The following NDEL1 variants were observed in gnomAD, a reference collection of about 807,000 sequenced individuals.
The protein encoded by NDEL1 is nuclear distribution protein nudE-like 1.
Under a neutral mutation model 45.7 loss-of-function variants are expected in NDEL1, and 9 were observed. That is an observed-to-expected ratio of 0.20 (90% confidence interval 0.12 to 0.34). The LOEUF is 0.34. Ranked by LOEUF, NDEL1 falls within the 10% of genes least tolerant of loss-of-function variation. NDEL1 has a pLI of 1.00. For synonymous variants in NDEL1, 133 were observed against 158.6 expected, an observed-to-expected ratio of 0.84 and a Z score of 1.21; for missense variants, 306 against 406.2, an observed-to-expected ratio of 0.75 and a Z score of 2.12.
intron 7 of NDEL1, among the ~76,000 whole-genome samples, chr17:8,456,883 A>G (rs1042891879): frequency 6.6e-6 from 1 of 152,156 alleles, no homozygotes; most frequent in African/African-American, 2.4e-5. Context: ...TGAGCCCTCT[A>G]CTAGCTGTGT....
At chr17:8,432,353 A>ATATATATTAG (rs1567722399), upstream of NDEL1, among the ~76,000 whole-genome samples, 1 of 5,874 alleles carries the variant, frequency 1.7e-4, no homozygotes, top group African/African-American at 2.2e-4. Flanking sequence ...TATAAATATA[A>ATATATATTAG]ATATAAATAT....
At chr17:8,415,845 T>A (rs1908534932) in intron 1 of NDEL1, among the ~76,000 whole-genome samples, 1 of 152,140 alleles carries the variant, frequency 6.6e-6, no homozygotes, top group Non-Finnish European at 1.5e-5. Flanking sequence ...TCTCCCAGGT[T>A]CAAGCGATTC....
intron 1 of NDEL1, 91 bp from the exon 2 acceptor site, chr17:8,444,169 A>G (rs1202408877): frequency 1.3e-6 from 1 of 779,944 alleles, no homozygotes; most frequent in Non-Finnish European, 2.2e-6. Flanking sequence ...TCCCTCCAAA[A>G]TGCTGCAGTT....
At chr17:8,450,283 C>T (rs1205655695) in intron 5 of NDEL1, among the ~76,000 whole-genome samples, 5 of 116,042 alleles carry the variant, frequency 4.3e-5, no homozygotes, top group African/African-American at 1.2e-4. Flanking sequence ...AGTGAGACTC[C>T]GTCTCAAAAA....
Position 8,419,813 on chromosome 17 carries a change from C to T in NDEL1, c.-13+6544C>T, listed in dbSNP as rs143341579. ...TTGTTGCTGGGTCAGAGGGAGTGATCGGGAAGGGTCATTCTGGGACCCTCA... is the reference window on the plus strand; with the variant it reads ...TTGTTGCTGGGTCAGAGGGAGTGATTGGGAAGGGTCATTCTGGGACCCTCA... On this transcript the variant is annotated intron_variant, in intron 1 of 4. Coordinates refer to the NDEL1 transcript ENST00000582812. Among the ~76,000 whole-genome samples the T allele has an allele frequency of 4.4e-3, 675 of 152,194 alleles. 2 individuals carry two copies. Among genetic ancestry groups the T allele is most frequent in the African/African-American group, 0.015 (635 of 41,530 alleles).
chr17:8,459,292 T>C (rs1911047384), intron 7 of NDEL1, among the ~76,000 whole-genome samples: 2 of 152,136 alleles, frequency 1.3e-5, no homozygotes, highest in African/African-American at 4.8e-5. Flanking sequence ...TGTGTGGAAA[T>C]ACATGAGAAA....
intron 1 of NDEL1, among the ~76,000 whole-genome samples, chr17:8,414,560 G>A (rs532264374): frequency 1.2e-3 from 187 of 152,236 alleles, no homozygotes; most frequent in African/African-American, 4.0e-3. Context: ...CCAGCTACCC[G>A]GGAGGCTGAG....
At chr17:8,438,643 G>A (rs1909514439) in intron 1 of NDEL1, among the ~76,000 whole-genome samples, 1 of 151,912 alleles carries the variant, frequency 6.6e-6, no homozygotes, top group South Asian at 2.1e-4. Context: ...AGTCTCACGA[G>A]TAGCTGGGAC....
In NDEL1 at chr17:8,428,815, G is replaced by A. The variant is rs945236503; in HGVS notation, c.-12-15445G>A. Among the ~76,000 whole-genome samples the A allele has an allele frequency of 2.6e-4, 40 of 151,662 alleles. 1 individual carries two copies. The highest frequency in any genetic ancestry group is 3.4e-3 in the Middle Eastern group (1 of 294). On this transcript the variant is annotated intron_variant, in intron 1 of 4. Transcript: ENST00000582812. ...CAGCCTCCCGAGTAGCTGGGACTAC[G>A]GGCTCCTGCCACCACGCCCGGCTAA... is the stretch of plus-strand genomic sequence containing the variant.
chr17:8,469,847 G>A (rs1911791925), downstream of NDEL1, among the ~76,000 whole-genome samples: 1 of 146,536 alleles, frequency 6.8e-6, no homozygotes, highest in African/African-American at 2.5e-5. Context: ...GGCGCCCGCC[G>A]CCATGCCTGG....
In NDEL1 at chr17:8,427,221, C is replaced by G. The variant is rs1013759818; in HGVS notation, c.-13+13952C>G. On this transcript the variant is annotated intron_variant, in intron 1 of 4. Coordinates refer to the NDEL1 transcript ENST00000582812. ...GGGAGTCTGAGCTGCTTTGAGTGGT[C>G]GGTGAGCTCTGTTTGCTCCAGAAGC... Among the ~76,000 whole-genome samples the G allele has an allele frequency of 2.6e-5, 4 of 152,142 alleles. No individual in the cohort carries two copies. The South Asian group carries it at 8.3e-4, about 32-fold the overall frequency.
chr17:8,435,630 T>A (rs1909234248), upstream of NDEL1, among the ~76,000 whole-genome samples: 1 of 152,242 alleles, frequency 6.6e-6, no homozygotes, highest in Admixed American at 6.5e-5. Context: ...CCCATCCGTC[T>A]TGGCACCACT....
chr17:8,463,250 C>T, intron 8 of NDEL1: 1 of 1,325,782 alleles, frequency 7.5e-7, no homozygotes, highest in Non-Finnish European at 1.1e-6. Flanking sequence ...TGGGCATGGA[C>T]TAATTTTAGG....
chr17:8,461,911 C>T (rs746930803), intron 8 of NDEL1, among the ~76,000 whole-genome samples: 2 of 151,970 alleles, frequency 1.3e-5, no homozygotes, highest in African/African-American at 2.4e-5. Flanking sequence ...GGTGCCTGTG[C>T]GTGTGGAAGC....
downstream of NDEL1, among the ~76,000 whole-genome samples, chr17:8,469,019 A>G (rs1293808453): frequency 1.3e-5 from 2 of 152,120 alleles, no homozygotes; most frequent in African/African-American, 2.4e-5. Context: ...AACCCACAAA[A>G]ACCCTGAGTG....
chr17:8,424,668 A>AT (rs893242300), intron 1 of NDEL1, among the ~76,000 whole-genome samples: 7 of 151,476 alleles, frequency 4.6e-5, no homozygotes, highest in South Asian at 2.1e-4. Flanking sequence ...TGCCTGGCTA[A>AT]TTTTTTTTTG....
chr17:8,433,373 G>C (rs1485545068), upstream of NDEL1, among the ~76,000 whole-genome samples: 1 of 152,226 alleles, frequency 6.6e-6, no homozygotes, highest in Non-Finnish European at 1.5e-5. Context: ...TTGATGTGGA[G>C]GGTCTGCTGC....
chr17:8,461,253 T>C (rs1911183532), intron 8 of NDEL1: 1 of 152,234 alleles, frequency 6.6e-6, no homozygotes. Context: ...CGGTGCACTC[T>C]GAATAGGCTC....
intron 6 of NDEL1, among the ~76,000 whole-genome samples, chr17:8,452,740 C>CTTTTTTTTTTTTTTTTTTTTTTCTTTTT: frequency 4.2e-5 from 4 of 95,628 alleles, no homozygotes; most frequent in Admixed American, 1.3e-4. Context: ...TTTTTCTTCT[C>CTTTTTTTTTTTTTTTTTTTTTTCTTTTT]TTTTTTTTTT....
Sources: allele counts gnomAD v4.1 joint callset (sites outside exome capture counted in the v4.1 genomes callset), GRCh38; gene constraint gnomAD v4.1.1; transcripts MANE v1.5; gene names NCBI Gene and HGNC (gene_info 2026-07-23, HGNC 2026-07-21).